ADGRB2: variants seen among roughly 807,000 people sequenced by gnomAD.
ADGRB2 encodes the protein adhesion G protein-coupled receptor B2.
A neutral mutation model predicts 178.7 loss-of-function variants in ADGRB2; 47 were observed. That is an observed-to-expected ratio of 0.26 (90% confidence interval 0.21 to 0.34). The LOEUF (loss-of-function observed/expected upper bound fraction) is 0.34, where lower values mean the gene tolerates loss of function less well. Ranked by LOEUF, ADGRB2 falls within the 10% of genes least tolerant of loss-of-function variation. The pLI, the probability that ADGRB2 is intolerant of heterozygous loss-of-function variation, is 1.00. For missense variants in ADGRB2, 1,584 were observed against 2,180.8 expected, an observed-to-expected ratio of 0.73 and a Z score of 5.45; for synonymous variants, 870 against 912.4, an observed-to-expected ratio of 0.95 and a Z score of 0.84.
Position 31,735,166 on chromosome 1 carries a change from C to T in ADGRB2, c.3452+17G>A. On this transcript the variant is annotated intron_variant, in intron 25 of 32. Coordinates refer to ENST00000373658, the MANE Select transcript of ADGRB2 (RefSeq NM_001364857.2). This position sits in a 1 kb window ranked among gnomAD's most constrained non-coding sequence, Gnocchi z 6.0. ...TGCCCCACCCACCCCCACCGCCCCCCAGGGGGCACGACTAACATGGCGTTC... is the reference window on the plus strand; with the variant it reads ...TGCCCCACCCACCCCCACCGCCCCCTAGGGGGCACGACTAACATGGCGTTC... The T allele has an allele frequency of 2.1e-6, 3 of 1,426,532 alleles. No homozygotes were observed. The highest frequency in any genetic ancestry group is 2.8e-6 in the Non-Finnish European group (3 of 1,086,024). The allele number at this position is 1,426,532 out of a possible 1,614,324, so 88.4% of individuals were successfully genotyped here.
chr1:31,761,429 G>C lies in ADGRB2; in HGVS notation c.-191+2455C>G, dbSNP rs1471517393. ...GGTCAGTAGAGGCTCTTCTGTGGCT[G>C]AGTGATTTCCCACCTGGGCTCCCCC... On this transcript the variant is annotated intron_variant, in intron 1 of 32. Coordinates refer to ENST00000373658, the MANE Select transcript of ADGRB2 (RefSeq NM_001364857.2). This position sits in a 1 kb window ranked among gnomAD's most constrained non-coding sequence, Gnocchi z 4.2. 6.6e-6 allele frequency among the ~76,000 whole-genome samples: 1 copy of C among 152,224 alleles called. No homozygotes were observed. The highest frequency in any genetic ancestry group is 1.5e-5 in the Non-Finnish European group (1 of 68,036).
rs1306159143 is a variant in ADGRB2 at position 31,759,481 on chromosome 1, A to G, written c.-190-1970T>C. 1.4e-6 allele frequency: 1 copy of G among 726,350 alleles called. No homozygotes were observed. Among genetic ancestry groups the G allele is most frequent in the African/African-American group, 1.7e-5 (1 of 57,878 alleles). The allele number at this position is 726,350 out of a possible 1,614,324, so 45.0% of individuals were successfully genotyped here. On this transcript the variant is annotated intron_variant, in intron 1 of 32. Transcript: ENST00000373658. The surrounding 1 kb of genome is among the most constrained non-coding windows in gnomAD (Gnocchi z 4.3). The stretch of plus-strand genomic sequence containing the variant: ...ACAGCCCCGCCCCATCAAGAAGCAC[A>G]AGGTCCACATCCTTCAGAGCCACAG...
Position 31,728,447 on chromosome 1 carries a change from G to A in ADGRB2, c.4416+151C>T. On this transcript the variant is annotated intron_variant, in intron 30 of 32. Coordinates refer to ENST00000373658, the MANE Select transcript of ADGRB2 (RefSeq NM_001364857.2). This position sits in a 1 kb window ranked among gnomAD's most constrained non-coding sequence, Gnocchi z 6.7. ...TTGGTGCTATGGGCTTGGGCAGGGA[G>A]GGAATCATGGGAAGATCCCACGGAA... is the stretch of plus-strand genomic sequence containing the variant. 7.3e-7 allele frequency: 1 copy of A among 1,370,998 alleles called. No individual in the cohort carries two copies. The highest frequency in any genetic ancestry group is 1.0e-6 in the Non-Finnish European group (1 of 966,402). 84.9% of individuals were successfully genotyped at this position (1,370,998 alleles called of 1,614,324 possible).
In ADGRB2 at chr1:31,745,928, G is replaced by A. The variant is rs1265396672; in HGVS notation, c.839-1197C>T. Among the ~76,000 whole-genome samples, 3 of 151,902 alleles carry A rather than the reference G, an allele frequency of 2.0e-5. No homozygotes were observed. In the East Asian group the frequency reaches 5.8e-4, roughly 29 times the overall value. ...GAACTGCCACCCAGCCCAGCCTCTG[G>A]TCTCATCCACTCTGGGGCCTTTCCC... On this transcript the variant is annotated intron_variant, in intron 4 of 32. Transcript: ENST00000373658.
At position 31,764,210 on chromosome 1, in the gene ADGRB2, G is replaced by A. The variant is rs1391965993; in HGVS notation, c.-517C>T. The A allele has an allele frequency of 3.5e-5, 9 of 253,570 alleles. No individual in the cohort carries two copies. The South Asian group carries it at 9.2e-4, about 26-fold the overall frequency. 15.7% of individuals were successfully genotyped at this position (253,570 alleles called of 1,614,324 possible). On this transcript the variant is annotated 5_prime_UTR_variant, in exon 1 of 33. Transcript: ENST00000373658. This position sits in a 1 kb window ranked among gnomAD's most constrained non-coding sequence, Gnocchi z 7.3. ...CGCGCGCCGCCTCCTATTTGCGGGC[G>A]GCGGCCGCAGCCCCGGGCTCTGAGA...
At position 31,735,576 on chromosome 1, in the gene ADGRB2, T is replaced by C; in HGVS notation, c.3353+4A>G. Reference sequence around the variant, plus strand: ...AGGCCAAGTCTCAGAGGCCCCCCCCTTACCCGGCCCTCTGCTTCTTGGATT... The same window carrying C: ...AGGCCAAGTCTCAGAGGCCCCCCCCCTACCCGGCCCTCTGCTTCTTGGATT... On this transcript the variant is annotated splice_donor_region_variant and intron_variant, in intron 24 of 32. Coordinates refer to ENST00000373658, the MANE Select transcript of ADGRB2 (RefSeq NM_001364857.2). The surrounding 1 kb of genome is among the most constrained non-coding windows in gnomAD (Gnocchi z 6.0). 3.1e-6 allele frequency: 5 copies of C among 1,613,288 alleles called. No homozygotes were observed. Among genetic ancestry groups the C allele is most frequent in the Non-Finnish European group, 4.2e-6 (5 of 1,179,370 alleles).
Position 31,728,404 on chromosome 1 carries a change from C to T in ADGRB2, c.4417-124G>A. ...TGCTGCCAGCCCCTCTGGGACAAGA[C>T]CTAGTTCTCTCTTCACGTTGGTGCT... is the stretch of plus-strand genomic sequence containing the variant. On this transcript the variant is annotated intron_variant, in intron 30 of 32. Transcript: ENST00000373658. The surrounding 1 kb of genome is among the most constrained non-coding windows in gnomAD (Gnocchi z 6.7). 8 of 1,229,022 alleles carry T rather than the reference C, an allele frequency of 6.5e-6. No individual in the cohort carries two copies. 76.1% of individuals were successfully genotyped at this position (1,229,022 alleles called of 1,614,324 possible).
chr1:31,737,723 G>A lies in ADGRB2; in HGVS notation c.2805C>T (p.Pro935=), dbSNP rs1645698864. The A allele has an allele frequency of 6.2e-7, 1 of 1,613,538 alleles. No individual in the cohort carries two copies. Among genetic ancestry groups the A allele is most frequent in the South Asian group, 1.1e-5 (1 of 91,086 alleles). The change falls in exon 19 of 33, where the codon CCC becomes CCT. Residue 935 remains proline, a synonymous_variant. Transcript: ENST00000373658. ...ACGACACTGCACAGCCGATCACCAG[G>A]GGGACCGAGGGGGAGCCCGCCAGCT... ...TLELAGSPSV[P]LVIGCAVSCM...
intron 6 of ADGRB2, 88 bp from the exon 7 acceptor site, chr1:31,743,090 T>G: frequency 1.6e-5 from 21 of 1,311,370 alleles, no homozygotes; most frequent in Non-Finnish European, 2.1e-5. Context: ...AATCAGGAGC[T>G]CCGCAGCTCT....
At position 31,742,115 on chromosome 1, in the gene ADGRB2, G is replaced by T; in HGVS notation, c.1355C>A (p.Ala452Asp). 11 of 1,613,134 alleles carry T rather than the reference G, an allele frequency of 6.8e-6. No homozygotes were observed. Among genetic ancestry groups the T allele is most frequent in the Non-Finnish European group, 9.3e-6 (11 of 1,179,832 alleles). ...RSRKCSVAGP[A>D]WATCTGALTD... The stretch of plus-strand genomic sequence containing the variant: ...GAGGGCACCCGTGCATGTGGCCCAG[G>T]CTGGGCCCGCCACGCTGCACTTCCG... Residue 452 changes from alanine (A) to aspartate (D), a missense_variant, in exon 8 of 33, where the codon GCC becomes GAC. By Grantham distance (126) the Ala-to-Asp change is moderately radical. Around this residue, in one of 3 missense-constraint regions of ADGRB2, gnomAD observed 657 missense variants for 847.6 expected, o/e 0.78. Transcript: ENST00000373658.
In ADGRB2 at chr1:31,727,818, C is replaced by A; in HGVS notation, c.4572+207G>T. ...GCCCCCAGGACATGTCTCCTGCTGA[C>A]CACTCTCCCTCCCAATCCTGGAGGA... On this transcript the variant is annotated intron_variant, in intron 32 of 32. Coordinates refer to ENST00000373658, the MANE Select transcript of ADGRB2 (RefSeq NM_001364857.2). This position sits in a 1 kb window ranked among gnomAD's most constrained non-coding sequence, Gnocchi z 4.4. 1.2e-6 allele frequency: 1 copy of A among 864,182 alleles called. No individual in the cohort carries two copies. Among genetic ancestry groups the A allele is most frequent in the Non-Finnish European group, 1.7e-6 (1 of 579,864 alleles). 53.5% of individuals were successfully genotyped at this position (864,182 alleles called of 1,614,324 possible).
In ADGRB2 at chr1:31,756,551, G is replaced by T; in HGVS notation, c.286C>A (p.Arg96Ser). Residue 96 changes from arginine to serine, a missense_variant, in exon 4 of 33, where the codon CGC becomes AGC. Around this residue, in one of 3 missense-constraint regions of ADGRB2, gnomAD observed 657 missense variants for 847.6 expected, o/e 0.78. Coordinates refer to ENST00000373658, the MANE Select transcript of ADGRB2 (RefSeq NM_001364857.2). This position sits in a 1 kb window ranked among gnomAD's most constrained non-coding sequence, Gnocchi z 8.5. ...QEQVCAHFAPRLLPLDHYLVN... is the reference protein window; with the variant it reads ...QEQVCAHFAPSLLPLDHYLVN... Reference sequence around the variant, plus strand: ...AGGTAGTGGTCCAGGGGCAGCAGGCGGGGGGCAAAGTGTGCGCACACCTGC... The same window carrying T: ...AGGTAGTGGTCCAGGGGCAGCAGGCTGGGGGCAAAGTGTGCGCACACCTGC... 1 of 1,613,076 alleles carries T rather than the reference G, an allele frequency of 6.2e-7. No individual in the cohort carries two copies. Among genetic ancestry groups the T allele is most frequent in the Non-Finnish European group, 8.5e-7 (1 of 1,179,540 alleles).
At chr1:31,742,723 T>A (rs1646042293) in intron 7 of ADGRB2, 115 bp downstream of exon 7, 2 of 1,236,908 alleles carry the variant, frequency 1.6e-6, no homozygotes, top group Non-Finnish European at 2.1e-6. Context: ...CCATGCTTGG[T>A]CAAAGTTTAA....
At chr1:31,763,861 G>A in intron 1 of ADGRB2, 23 bp downstream of exon 1, 2 of 985,156 alleles carry the variant, frequency 2.0e-6, no homozygotes, top group Non-Finnish European at 2.4e-6. Context: ...AGGCCAGGTC[G>A]GGGTCTGGGG....
rs568953752 is a variant in ADGRB2 at position 31,755,662 on chromosome 1, C to T, written c.838+337G>A. Among the ~76,000 whole-genome samples, 4 of 151,844 alleles carry T rather than the reference C, an allele frequency of 2.6e-5. No individual in the cohort carries two copies. In the South Asian group the frequency reaches 8.3e-4, roughly 32 times the overall value. On this transcript the variant is annotated intron_variant, in intron 4 of 32. Coordinates refer to ENST00000373658, the MANE Select transcript of ADGRB2 (RefSeq NM_001364857.2). The surrounding 1 kb of genome is among the most constrained non-coding windows in gnomAD (Gnocchi z 5.1). Reference sequence around the variant, plus strand: ...CCCTTCTTGCTCTGCCTAGAATGCCCTCATCTCACTTCTGCTTGTCCTTCA... The same window carrying T: ...CCCTTCTTGCTCTGCCTAGAATGCCTTCATCTCACTTCTGCTTGTCCTTCA...
In ADGRB2 at chr1:31,744,606, T is replaced by C; in HGVS notation, c.922+42A>G. The C allele has an allele frequency of 6.2e-7, 1 of 1,603,320 alleles. No individual in the cohort carries two copies. Among genetic ancestry groups the C allele is most frequent in the Non-Finnish European group, 8.5e-7 (1 of 1,172,744 alleles). ...CACACACACCACCAGACGCACACAG[T>C]CGGGCCCCCGCCGCAGAGGAAGGGA... is the stretch of plus-strand genomic sequence containing the variant. On this transcript the variant is annotated intron_variant, in intron 5 of 32. Coordinates refer to ENST00000373658, the MANE Select transcript of ADGRB2 (RefSeq NM_001364857.2). This position sits in a 1 kb window ranked among gnomAD's most constrained non-coding sequence, Gnocchi z 6.7.
chr1:31,763,108 A>G (rs1418889135), intron 1 of ADGRB2, among the ~76,000 whole-genome samples: 1 of 151,794 alleles, frequency 6.6e-6, no homozygotes, highest in African/African-American at 2.4e-5. Flanking sequence ...GAGGATAGGG[A>G]TGGGGGATGG....
rs1367871754 is a variant in ADGRB2, at chr1:31,741,317, C to G, written c.1794+56G>C. The G allele has an allele frequency of 2.3e-5, 35 of 1,519,146 alleles. No homozygotes were observed. The East Asian group carries it at 6.0e-4, about 26-fold the overall frequency. The allele number at this position is 1,519,146 out of a possible 1,614,324, so 94.1% of individuals were successfully genotyped here. ...AGCGAGAATCACGCTCCCTCCACCC[C>G]CTAGCAGAGTCTGAGACAGATTCTG... is the stretch of plus-strand genomic sequence containing the variant. On this transcript the variant is annotated intron_variant, in intron 11 of 32. Coordinates refer to ENST00000373658, the MANE Select transcript of ADGRB2 (RefSeq NM_001364857.2). This position sits in a 1 kb window ranked among gnomAD's most constrained non-coding sequence, Gnocchi z 6.5.
chr1:31,759,319 A>C lies in ADGRB2; in HGVS notation c.-190-1808T>G. 1.3e-6 allele frequency: 1 copy of C among 779,720 alleles called. No individual in the cohort carries two copies. The highest frequency in any genetic ancestry group is 1.3e-5 in the South Asian group (1 of 74,626). The allele number at this position is 779,720 out of a possible 1,614,324, so 48.3% of individuals were successfully genotyped here. A position where few individuals can be genotyped will look rare whatever the true frequency, so the allele number is the denominator to read the frequency against. ...CACACGCATTCTCGACTGAGAACAC[A>C]CATGAGTATCTGGCCCTCTGAGGCT... On this transcript the variant is annotated intron_variant, in intron 1 of 32. Coordinates refer to ENST00000373658, the MANE Select transcript of ADGRB2 (RefSeq NM_001364857.2). This position sits in a 1 kb window ranked among gnomAD's most constrained non-coding sequence, Gnocchi z 4.3.
Sources: allele counts gnomAD v4.1 joint callset (sites outside exome capture counted in the v4.1 genomes callset), GRCh38; gene constraint gnomAD v4.1.1; regional missense constraint gnomAD v4.1.1; non-coding constraint Gnocchi (gnomAD v3.1); transcripts MANE v1.5; gene names NCBI Gene and HGNC (gene_info 2026-07-23, HGNC 2026-07-21).